EFCAB10: variants seen among roughly 807,000 people sequenced by gnomAD.
EFCAB10 encodes the protein EF-hand calcium-binding domain-containing protein 10.
EFCAB10 carries 7 observed loss-of-function variants against 7.7 expected under a neutral mutation model. The observed-to-expected ratio is 0.91, with a 90% CI of 0.52 to 1.72. The LOEUF is 1.72. Ranked by LOEUF, EFCAB10 falls within the 40% of genes most tolerant of loss-of-function variation. The probability of loss-of-function intolerance (pLI) is 0.00; values close to 1 mark genes in which losing one functional copy is unlikely to be tolerated. For missense variants in EFCAB10, 112 were observed against 61.5 expected (o/e 1.82, Z -2.74); for synonymous variants, 52 against 21.0 (o/e 2.47, Z -4.03).
At chr7:105,579,632 T>G (rs1792173046) in intron 1 of EFCAB10, among the ~76,000 whole-genome samples, 1 of 152,158 alleles carries the variant, frequency 6.6e-6, no homozygotes, top group Non-Finnish European at 1.5e-5. Context: ...TGGGTGTGAG[T>G]GGGAACAGGT....
At chr7:105,572,947 T>C (rs923186182) in intron 1 of EFCAB10, 4 of 152,148 alleles carry the variant, frequency 2.6e-5, no homozygotes, top group African/African-American at 9.7e-5. Context: ...CTGTAGGCCA[T>C]TTCTGTATCT....
intron 1 of EFCAB10, among the ~76,000 whole-genome samples, chr7:105,577,817 C>G (rs974868346): frequency 6.6e-6 from 1 of 151,786 alleles, no homozygotes; most frequent in African/African-American, 2.4e-5. Context: ...CCTCCGCGTT[C>G]AAGCGATTCT....
intron 1 of EFCAB10, among the ~76,000 whole-genome samples, chr7:105,570,268 T>C (rs13312027): frequency 0.3 from 20,107 of 66,132 alleles, 3,754 homozygotes; most frequent in African/African-American, 0.4. Flanking sequence ...TATATATATA[T>C]ACACACACAC....
Position 105,581,428 on chromosome 7 carries a change from C to A in EFCAB10, c.36G>T (p.Glu12Asp). 1.4e-6 allele frequency: 1 copy of A among 703,146 alleles called. No individual in the cohort carries two copies. Among genetic ancestry groups the A allele is most frequent in the Middle Eastern group, 2.3e-4 (1 of 4,370 alleles). The allele number at this position is 703,146 out of a possible 1,614,324, so 43.6% of individuals were successfully genotyped here. Residue 12 changes from glutamate (E) to aspartate (D), a missense_variant, in exon 1 of 5, where the codon GAG becomes GAT. Physicochemically the swap from Glu to Asp is conservative, Grantham distance 45 (BLOSUM62 2). Coordinates refer to ENST00000480514, the MANE Select transcript of EFCAB10 (RefSeq NM_001355526.2). ...ETSSRELQAAEYLEKHQIKEV... is the reference protein window; with the variant it reads ...ETSSRELQAADYLEKHQIKEV... ...CCTTGATCTGATGCTTTTCCAAATA[C>A]TCCGCGGCTTGGAGCTCCCTGCTGC...
At chr7:105,570,296 TAC>T (rs1171143262) in intron 1 of EFCAB10, among the ~76,000 whole-genome samples, 4 of 115,500 alleles carry the variant, frequency 3.5e-5, no homozygotes, top group Admixed American at 3.0e-4. Flanking sequence ...CATATACACA[TAC>T]ACACACACAT....
At chr7:105,575,352 A>G (rs1157093996) in intron 1 of EFCAB10, among the ~76,000 whole-genome samples, 1 of 152,150 alleles carries the variant, frequency 6.6e-6, no homozygotes, top group Non-Finnish European at 1.5e-5. Flanking sequence ...TTTGTCACCC[A>G]GGCTGGAATG....
intron 1 of EFCAB10, among the ~76,000 whole-genome samples, chr7:105,575,991 C>T (rs898463166): frequency 1.4e-4 from 21 of 151,966 alleles, no homozygotes; most frequent in African/African-American, 4.1e-4. Context: ...GAGCTGAGAT[C>T]GCGCCATTGC....
intron 1 of EFCAB10, among the ~76,000 whole-genome samples, chr7:105,574,276 A>G (rs895600016): frequency 6.6e-6 from 1 of 151,144 alleles, no homozygotes; most frequent in African/African-American, 2.4e-5. Context: ...TATACACAGT[A>G]TATATAAACA....
chr7:105,574,228 G>A lies in EFCAB10; in HGVS notation c.107-4657C>T, dbSNP rs189449211. 4.1e-4 allele frequency among the ~76,000 whole-genome samples: 60 copies of A among 144,648 alleles called. 2 individuals carry two copies. The highest frequency in any genetic ancestry group is 3.8e-3 in the East Asian group (19 of 4,978). 94.9% of individuals were successfully genotyped at this position (144,648 alleles called of 152,430 possible). A position where few individuals can be genotyped will look rare whatever the true frequency, so the allele number is the denominator to read the frequency against. ...TATAGACACACACACACCCGTATATGTACACACATATATACAGTATATATA... is the reference window on the plus strand; with the variant it reads ...TATAGACACACACACACCCGTATATATACACACATATATACAGTATATATA... On this transcript the variant is annotated intron_variant, in intron 1 of 4. Coordinates refer to ENST00000480514, the MANE Select transcript of EFCAB10 (RefSeq NM_001355526.2).
At chr7:105,565,800 T>C (rs577044728) in intron 4 of EFCAB10, 12 of 580,442 alleles carry the variant, frequency 2.1e-5, no homozygotes, top group South Asian at 9.7e-5. Context: ...TACAGCACAA[T>C]GGGGAAACCA....
At chr7:105,567,372 T>C in intron 4 of EFCAB10, 95 bp downstream of exon 4, 1 of 1,148,384 alleles carries the variant, frequency 8.7e-7, no homozygotes, top group Admixed American at 2.1e-5. Flanking sequence ...CCAATTGGAT[T>C]TCAAGTTATA....
At chr7:105,570,772 C>A (rs950108194) in intron 1 of EFCAB10, among the ~76,000 whole-genome samples, 6 of 152,078 alleles carry the variant, frequency 3.9e-5, no homozygotes, top group African/African-American at 1.4e-4. Context: ...CGCCTGTAAT[C>A]CCAGCACTTT....
At chr7:105,572,305 T>C (rs572068795) in intron 1 of EFCAB10, 1 of 151,582 alleles carries the variant, frequency 6.6e-6, no homozygotes, top group Non-Finnish European at 1.5e-5. Context: ...GGTATTCTTC[T>C]GTGCGTGATT....
At chr7:105,576,298 T>C (rs1792076341) in intron 1 of EFCAB10, among the ~76,000 whole-genome samples, 1 of 152,140 alleles carries the variant, frequency 6.6e-6, no homozygotes, top group South Asian at 2.1e-4. Context: ...GCAGAAAACT[T>C]CAACAGCACT....
chr7:105,568,853 G>C (rs1252147684), intron 3 of EFCAB10, among the ~76,000 whole-genome samples: 1 of 151,894 alleles, frequency 6.6e-6, no homozygotes, highest in Admixed American at 6.6e-5. Flanking sequence ...GGGAAGCTGA[G>C]GCAGGAGAAT....
chr7:105,569,787 A>G (rs899920957), intron 1 of EFCAB10, among the ~76,000 whole-genome samples: 2 of 152,184 alleles, frequency 1.3e-5, no homozygotes, highest in East Asian at 3.9e-4. Flanking sequence ...ATGATAGAAT[A>G]GAAAACTATA....
At chr7:105,570,139 G>A (rs1334637688) in intron 1 of EFCAB10, among the ~76,000 whole-genome samples, 13 of 141,968 alleles carry the variant, frequency 9.2e-5, no homozygotes, top group African/African-American at 3.1e-4. Flanking sequence ...GCTTGAACCC[G>A]GGAGGCAGAG....
intron 1 of EFCAB10, among the ~76,000 whole-genome samples, chr7:105,577,868 C>T (rs1792123136): frequency 6.6e-6 from 1 of 152,086 alleles, no homozygotes; most frequent in Non-Finnish European, 1.5e-5. Flanking sequence ...AAGCATGTGC[C>T]ACTACACCTG....
At position 105,567,117 on chromosome 7, in the gene EFCAB10, A is replaced by G. The variant is rs757017331; in HGVS notation, c.383+350T>C. The G allele has an allele frequency of 1.3e-6, 2 of 1,527,926 alleles. No individual in the cohort carries two copies. The highest frequency in any genetic ancestry group is 4.7e-5 in the East Asian group (2 of 42,972). 94.6% of individuals were successfully genotyped at this position (1,527,926 alleles called of 1,614,324 possible). A position where few individuals can be genotyped will look rare whatever the true frequency, so the allele number is the denominator to read the frequency against. Reference sequence around the variant, plus strand: ...TTTCCCTCCTTTGTTTTCCCTAAACAGTATAAAAGAAGCCTGTATTGTTTT... The same window carrying G: ...TTTCCCTCCTTTGTTTTCCCTAAACGGTATAAAAGAAGCCTGTATTGTTTT... On this transcript the variant is annotated intron_variant, in intron 4 of 4. Coordinates refer to ENST00000480514, the MANE Select transcript of EFCAB10 (RefSeq NM_001355526.2).
Sources: gnomAD v4.1 joint callset for allele counts (sites outside exome capture counted in the v4.1 genomes callset) on GRCh38, gnomAD v4.1.1 for gene constraint, MANE v1.5 for transcripts, NCBI Gene and HGNC (gene_info 2026-07-23, HGNC 2026-07-21) for gene names.